Variants in DTNB observed in about 807,000 individuals in gnomAD.
DTNB encodes dystrobrevin beta, also known as DTN-B.
A neutral mutation model predicts 90.7 loss-of-function variants in DTNB; 63 were observed. The observed-to-expected ratio is 0.69, with a 90% CI of 0.57 to 0.86. DTNB has a LOEUF of 0.86. DTNB is among the 40% of genes least tolerant of loss of function. The pLI, the probability that DTNB is intolerant of heterozygous loss-of-function variation, is 0.00. For synonymous variants in DTNB, 277 were observed against 286.7 expected (o/e 0.97, Z 0.34); for missense variants, 744 against 807.1 (o/e 0.92, Z 0.95).
At chr2:25,430,783 G>T (rs912299825) in intron 14 of DTNB, among the ~76,000 whole-genome samples, 40 of 152,184 alleles carry the variant, frequency 2.6e-4, no homozygotes, top group African/African-American at 9.4e-4. Flanking sequence ...GTCATATTAT[G>T]AGTTCTCAAA....
intron 6 of DTNB, among the ~76,000 whole-genome samples, chr2:25,591,180 C>G (rs1341055496): frequency 6.6e-6 from 1 of 152,238 alleles, no homozygotes; most frequent in Non-Finnish European, 1.5e-5. Context: ...GGAGCAGACA[C>G]CTCCAAGCCT....
chr2:25,488,395 A>G (rs2066641402), intron 9 of DTNB, among the ~76,000 whole-genome samples: 1 of 152,208 alleles, frequency 6.6e-6, no homozygotes, highest in Admixed American at 6.5e-5. Flanking sequence ...GTAGGAAACA[A>G]GATCTGAGGT....
At chr2:25,487,971 T>A (rs1358538758) in intron 9 of DTNB, among the ~76,000 whole-genome samples, 1 of 152,152 alleles carries the variant, frequency 6.6e-6, no homozygotes, top group African/African-American at 2.4e-5. Flanking sequence ...AAAAGCTCAC[T>A]CCAGAATCTT....
intron 2 of DTNB, among the ~76,000 whole-genome samples, chr2:25,651,982 G>C (rs2081028412): frequency 6.6e-6 from 1 of 152,194 alleles, no homozygotes; most frequent in Non-Finnish European, 1.5e-5. Flanking sequence ...ATGCAACCTT[G>C]AGTTGGTCAA....
intron 5 of DTNB, 146 bp downstream of exon 5, chr2:25,607,090 C>CA: frequency 1.3e-6 from 1 of 750,096 alleles, no homozygotes; most frequent in Non-Finnish European, 2.1e-6. Context: ...TGGCATAACT[C>CA]ACCTACTGTG....
chr2:25,400,769 G>A (rs1456543496), intron 16 of DTNB, among the ~76,000 whole-genome samples: 1 of 152,158 alleles, frequency 6.6e-6, no homozygotes, highest in Admixed American at 6.5e-5. Flanking sequence ...GGCCAATCAT[G>A]GGTCTAACCA....
In DTNB at chr2:25,526,395, A is replaced by ATATATATTT; in HGVS notation, c.1001+5077_1001+5078insAAATATATA. On this transcript the variant is annotated intron_variant, in intron 9 of 20. Transcript: ENST00000406818. ...TATATATATATATATATATATATAT[A>ATATATATTT]TTTTTTTTTTTTTAATTGAGACAGA... Among the ~76,000 whole-genome samples the ATATATATTT allele has an allele frequency of 2.1e-3, 107 of 49,814 alleles. 1 individual carries two copies. Among genetic ancestry groups the ATATATATTT allele is most frequent in the East Asian group, 0.011 (15 of 1,312 alleles). The allele number at this position is 49,814 out of a possible 152,430, so 32.7% of individuals were successfully genotyped here.
chr2:25,584,445 C>T (rs2062036285), intron 6 of DTNB, among the ~76,000 whole-genome samples: 1 of 152,018 alleles, frequency 6.6e-6, no homozygotes, highest in South Asian at 2.1e-4. Flanking sequence ...TGGCACTCTT[C>T]TCATTAAATT....
At position 25,634,664 on chromosome 2, in the gene DTNB, G is replaced by C. The variant is rs1001366510; in HGVS notation, c.148+4350C>G. Reference sequence around the variant, plus strand: ...GAGAGGTTGGATGGTTGCCGTGTCTGTGTAGAAAGAGGTAGACATGGGAGA... The same window carrying C: ...GAGAGGTTGGATGGTTGCCGTGTCTCTGTAGAAAGAGGTAGACATGGGAGA... On this transcript the variant is annotated intron_variant, in intron 3 of 20. Transcript: ENST00000406818. 3.4e-5 allele frequency among the ~76,000 whole-genome samples: 4 copies of C among 116,296 alleles called. 2 individuals carry two copies. The highest frequency in any genetic ancestry group is 1.7e-4 in the Admixed American group (2 of 11,734). 76.3% of individuals were successfully genotyped at this position (116,296 alleles called of 152,430 possible). A position where few individuals can be genotyped will look rare whatever the true frequency, so the allele number is the denominator to read the frequency against.
intron 9 of DTNB, among the ~76,000 whole-genome samples, chr2:25,507,336 T>G (rs920460533): frequency 6.6e-6 from 1 of 152,200 alleles, no homozygotes; most frequent in African/African-American, 2.4e-5. Flanking sequence ...AAGGTTTACA[T>G]GGTCAAGTTA....
chr2:25,544,600 A>G (rs1222048913), intron 8 of DTNB, among the ~76,000 whole-genome samples: 3 of 152,188 alleles, frequency 2.0e-5, no homozygotes, highest in Non-Finnish European at 2.9e-5. Context: ...CTCTTGGTAC[A>G]AAGCCTGCTA....
intron 6 of DTNB, among the ~76,000 whole-genome samples, chr2:25,590,567 C>G (rs1454017098): frequency 1.3e-5 from 2 of 151,980 alleles, no homozygotes; most frequent in African/African-American, 4.8e-5. Flanking sequence ...GGCAGGGTAG[C>G]TCCTCTCTGC....
chr2:25,580,775 G>T lies in DTNB; in HGVS notation c.655C>A (p.Pro219Thr). The T allele has an allele frequency of 6.2e-7, 1 of 1,613,604 alleles. No individual in the cohort carries two copies. The highest frequency in any genetic ancestry group is 2.2e-5 in the East Asian group (1 of 44,868). ...FLDTMMADPP[P>T]QCLVWLPLMH... Reference sequence around the variant, plus strand: ...AGAGGTAGCCAGACAAGGCACTGGGGAGGAGGGTCAGCCATCATTGTGTCT... The same window carrying T: ...AGAGGTAGCCAGACAAGGCACTGGGTAGGAGGGTCAGCCATCATTGTGTCT... The change falls in exon 7 of 21, where the codon CCC (proline) becomes ACC (threonine). Residue 219 changes from proline to threonine, a missense_variant. By Grantham distance (38) the Pro-to-Thr change is conservative. Transcript: ENST00000406818.
intron 13 of DTNB, among the ~76,000 whole-genome samples, chr2:25,433,659 T>C (rs1203796565): frequency 2.0e-5 from 3 of 150,738 alleles, no homozygotes; most frequent in South Asian, 4.2e-4. Flanking sequence ...CACGGATGGG[T>C]GGGAGGAGGC....
intron 8 of DTNB, among the ~76,000 whole-genome samples, chr2:25,575,790 A>G (rs1282211289): frequency 6.6e-6 from 1 of 152,206 alleles, no homozygotes; most frequent in East Asian, 1.9e-4. Flanking sequence ...TGTTTAGCAA[A>G]CCACCAACCA....
intron 5 of DTNB, among the ~76,000 whole-genome samples, chr2:25,599,508 A>AT (rs1417388863): frequency 7.9e-5 from 12 of 151,326 alleles, no homozygotes; most frequent in Admixed American, 2.6e-4. Context: ...TGCCCAGCTA[A>AT]TTTTTTGTAT....
intron 6 of DTNB, among the ~76,000 whole-genome samples, chr2:25,587,470 A>G (rs1432033337): frequency 6.6e-6 from 1 of 152,116 alleles, no homozygotes; most frequent in Non-Finnish European, 1.5e-5. Flanking sequence ...GGAAGTCCAG[A>G]ATGGGACTGC....
chr2:25,628,073 C>G, intron 4 of DTNB, 98 bp downstream of exon 4: 1 of 1,306,800 alleles, frequency 7.7e-7, no homozygotes, highest in Non-Finnish European at 1.1e-6. Flanking sequence ...AAGTTGCCAG[C>G]TTAGCAAGGC....
intron 12 of DTNB, among the ~76,000 whole-genome samples, chr2:25,444,391 G>A (rs546200061): frequency 2.2e-4 from 34 of 151,984 alleles, no homozygotes; most frequent in Non-Finnish European, 4.7e-4. Context: ...AATTAGCCGG[G>A]TGTGGTGGCA....
Sources: allele counts gnomAD v4.1 joint callset (sites outside exome capture counted in the v4.1 genomes callset), GRCh38; gene constraint gnomAD v4.1.1; transcripts MANE v1.5; gene names NCBI Gene and HGNC (gene_info 2026-07-23, HGNC 2026-07-21).